The following RASSF2 variants were observed in gnomAD, a reference collection of about 807,000 sequenced individuals.
The protein encoded by RASSF2 is Ras association domain family member 2, also known as ras association domain-containing protein 2.
RASSF2 carries 34 observed loss-of-function variants against 46.3 expected under a neutral mutation model. The ratio of observed to expected loss-of-function variants is 0.73; its 90% CI spans 0.56 to 0.98. RASSF2 has a LOEUF of 0.98. Among genes scored for constraint, RASSF2 ranks in the 50% least tolerant of loss-of-function variants. The pLI is 0.00. For synonymous variants in RASSF2, 158 were observed against 162.5 expected (o/e 0.97, Z 0.21); for missense variants, 364 against 431.2 (o/e 0.84, Z 1.38).
At chr20:4,806,548 G>C (rs924265838) in intron 2 of RASSF2, among the ~76,000 whole-genome samples, 5 of 152,138 alleles carry the variant, frequency 3.3e-5, no homozygotes, top group Non-Finnish European at 7.3e-5. Context: ...GGCCTCAAGC[G>C]ATCCTCCCGC....
chr20:4,789,812 C>G (rs192743436), intron 7 of RASSF2, 115 bp from the exon 8 acceptor site: 1 of 826,874 alleles, frequency 1.2e-6, no homozygotes, highest in African/African-American at 1.7e-5. Context: ...TCCCTGGGAG[C>G]CCCCGGCAGA....
intron 2 of RASSF2, among the ~76,000 whole-genome samples, chr20:4,801,613 T>A (rs1488186963): frequency 1.3e-5 from 2 of 152,162 alleles, no homozygotes; most frequent in Non-Finnish European, 1.5e-5. Context: ...TTGTTTAAAA[T>A]CTATGTAAGT....
chr20:4,798,217 C>T (rs980764168), intron 3 of RASSF2, 132 bp from the exon 4 acceptor site: 61 of 1,355,400 alleles, frequency 4.5e-5, no homozygotes, highest in Non-Finnish European at 5.8e-5. Flanking sequence ...CATGTACATA[C>T]ACACACATGC....
At position 4,780,559 on chromosome 20, in the gene RASSF2, G is replaced by C. The variant is rs1266450823; in HGVS notation, c.*3714C>G. On this transcript the variant is annotated 3_prime_UTR_variant, in exon 12 of 12. Transcript: ENST00000379400. ...TGCAAAACGATTTAAGTGGAAACGT[G>C]AAAATGTGTGCTGCTATATCAGGGA... 6.6e-6 allele frequency: 1 copy of C among 152,244 alleles called. No homozygotes were observed. The highest frequency in any genetic ancestry group is 1.5e-5 in the Non-Finnish European group (1 of 68,048). The allele number at this position is 152,244 out of a possible 1,614,324, so 9.4% of individuals were successfully genotyped here.
In RASSF2 at chr20:4,784,528, G is replaced by A. The variant is rs917080099; in HGVS notation, c.912-186C>T. ...TTGCTTATGTTCATTCCTACAACAC[G>A]ATGAGAGGAAATAAAGAGGCCAAAT... On this transcript the variant is annotated intron_variant, in intron 11 of 11. Transcript: ENST00000379400. 3.8e-5 allele frequency among the ~76,000 whole-genome samples: 5 copies of A among 130,040 alleles called. No homozygotes were observed. The East Asian group carries it at 7.3e-4, about 19-fold the overall frequency. 85.3% of individuals were successfully genotyped at this position (130,040 alleles called of 152,430 possible). A position where few individuals can be genotyped will look rare whatever the true frequency, so the allele number is the denominator to read the frequency against.
chr20:4,790,628 A>C lies in RASSF2; in HGVS notation c.377-17T>G, dbSNP rs765350743. 11 of 1,513,050 alleles carry C rather than the reference A, an allele frequency of 7.3e-6. No individual in the cohort carries two copies. Among genetic ancestry groups the C allele is most frequent in the Non-Finnish European group, 9.6e-6 (11 of 1,142,744 alleles). The allele number at this position is 1,513,050 out of a possible 1,614,324, so 93.7% of individuals were successfully genotyped here. ...CCCTGGAGTCTGAGAGAGGAGAGGG[A>C]AATGAACTCTGTCTGTCTGGACCTG... On this transcript the variant is annotated splice_polypyrimidine_tract_variant and intron_variant, in intron 6 of 11. Transcript: ENST00000379400. This position sits in a 1 kb window ranked among gnomAD's most constrained non-coding sequence, Gnocchi z 4.3.
rs867349491 is a variant in RASSF2, at chr20:4,795,596, T to C, written c.287+219A>G. On this transcript the variant is annotated intron_variant, in intron 5 of 11. Coordinates refer to ENST00000379400, the MANE Select transcript of RASSF2 (RefSeq NM_014737.3). This position sits in a 1 kb window ranked among gnomAD's most constrained non-coding sequence, Gnocchi z 4.0. Reference sequence around the variant, plus strand: ...GTATGACTCAGCAGCTCCCCTCCTGTGACCTCATCAGTGATTGCAGTGACA... The same window carrying C: ...GTATGACTCAGCAGCTCCCCTCCTGCGACCTCATCAGTGATTGCAGTGACA... The C allele has an allele frequency of 2.1e-6, 1 of 482,880 alleles. No individual in the cohort carries two copies. The highest frequency in any genetic ancestry group is 2.0e-5 in the African/African-American group (1 of 49,422). The allele number at this position is 482,880 out of a possible 1,614,324, so 29.9% of individuals were successfully genotyped here. A position where few individuals can be genotyped will look rare whatever the true frequency, so the allele number is the denominator to read the frequency against.
Position 4,812,572 on chromosome 20 carries a change from G to A in RASSF2, c.-33+9757C>T, listed in dbSNP as rs1490524899. 5.9e-5 allele frequency among the ~76,000 whole-genome samples: 9 copies of A among 152,186 alleles called. No individual in the cohort carries two copies. In the South Asian group the frequency reaches 8.3e-4, roughly 14 times the overall value. On this transcript the variant is annotated intron_variant, in intron 2 of 11. Coordinates refer to ENST00000379400, the MANE Select transcript of RASSF2 (RefSeq NM_014737.3). This position sits in a 1 kb window ranked among gnomAD's most constrained non-coding sequence, Gnocchi z 4.0. The stretch of plus-strand genomic sequence containing the variant: ...TGTATTGGAATCTCTCCGAGGGCTC[G>A]TTAAAATACAGATTGCAGGTCCCTT...
intron 2 of RASSF2, among the ~76,000 whole-genome samples, chr20:4,819,963 C>T (rs142904002): frequency 5.3e-5 from 8 of 152,324 alleles, no homozygotes; most frequent in Admixed American, 1.3e-4. Flanking sequence ...AAGCTGTCAC[C>T]GCAAACAGCA....
Position 4,802,867 on chromosome 20 carries a change from C to T in RASSF2, c.-32-1805G>A, listed in dbSNP as rs149035130. Among the ~76,000 whole-genome samples, 4 of 145,704 alleles carry T rather than the reference C, an allele frequency of 2.7e-5. No individual in the cohort carries two copies. In the Admixed American group the frequency reaches 2.8e-4, roughly 10 times the overall value. ...TATTTTACCACTATATACATATACA[C>T]GTGTATGTGTGTGTGTATATATATA... On this transcript the variant is annotated intron_variant, in intron 2 of 11. Coordinates refer to ENST00000379400, the MANE Select transcript of RASSF2 (RefSeq NM_014737.3).
chr20:4,815,439 T>C (rs1378748594), intron 2 of RASSF2, among the ~76,000 whole-genome samples: 2 of 152,104 alleles, frequency 1.3e-5, no homozygotes, highest in Non-Finnish European at 2.9e-5. Flanking sequence ...CTCCACCAGT[T>C]AAAGTCCCCC....
In RASSF2 at chr20:4,812,191, AT is replaced by A. The variant is rs1927877730; in HGVS notation, c.-33+10137del. ...CAAGCCTGTCCTGGGCATGGGCAAA[AT>A]GTGGGCTGCCTCGGAAGGAAATGGC... is the stretch of plus-strand genomic sequence containing the variant. On this transcript the variant is annotated intron_variant, in intron 2 of 11. Coordinates refer to ENST00000379400, the MANE Select transcript of RASSF2 (RefSeq NM_014737.3). The surrounding 1 kb of genome is among the most constrained non-coding windows in gnomAD (Gnocchi z 4.0). Among the ~76,000 whole-genome samples the A allele has an allele frequency of 6.6e-6, 1 of 152,148 alleles. No homozygotes were observed. The highest frequency in any genetic ancestry group is 6.5e-5 in the Admixed American group (1 of 15,276).
At chr20:4,813,728 T>G (rs1252972776) in intron 2 of RASSF2, among the ~76,000 whole-genome samples, 1 of 152,076 alleles carries the variant, frequency 6.6e-6, no homozygotes, top group Admixed American at 6.5e-5. Context: ...AGCAGCTGTG[T>G]GTGCGTGGGT....
chr20:4,784,061 T>A lies in RASSF2; in HGVS notation c.*212A>T. On this transcript the variant is annotated 3_prime_UTR_variant, in exon 12 of 12. Transcript: ENST00000379400. Reference sequence around the variant, plus strand: ...TCCTCCTTATAACTAAAATCAAAAGTCCTTGTGAGCAGAAAAAAGGAGGGC... The same window carrying A: ...TCCTCCTTATAACTAAAATCAAAAGACCTTGTGAGCAGAAAAAAGGAGGGC... The A allele has an allele frequency of 1.7e-6, 1 of 591,520 alleles. No individual in the cohort carries two copies. 36.6% of individuals were successfully genotyped at this position (591,520 alleles called of 1,614,324 possible).
chr20:4,818,303 T>C (rs934325615), intron 2 of RASSF2, among the ~76,000 whole-genome samples: 1 of 151,860 alleles, frequency 6.6e-6, no homozygotes, highest in African/African-American at 2.4e-5. Flanking sequence ...AATCACTAAA[T>C]GCACCCCAGA....
intron 2 of RASSF2, among the ~76,000 whole-genome samples, chr20:4,810,094 G>C (rs1927655824): frequency 1.3e-5 from 2 of 152,342 alleles, no homozygotes; most frequent in African/African-American, 4.8e-5. Flanking sequence ...TACTGGGTCT[G>C]TCACTGTCCC....
chr20:4,804,238 TTTA>T (rs1927146818), intron 2 of RASSF2, among the ~76,000 whole-genome samples: 1 of 151,976 alleles, frequency 6.6e-6, no homozygotes, highest in Non-Finnish European at 1.5e-5. Flanking sequence ...AATTTTAAAT[TTTA>T]TTATTTTTTT....
intron 2 of RASSF2, among the ~76,000 whole-genome samples, chr20:4,814,928 C>T (rs1422797123): frequency 3.3e-5 from 5 of 152,232 alleles, no homozygotes; most frequent in Non-Finnish European, 5.9e-5. Flanking sequence ...AACTGCTCCT[C>T]CACGTGGCCC....
In RASSF2 at chr20:4,782,307, C is replaced by A. The variant is rs1336545247; in HGVS notation, c.*1966G>T. 6.5e-6 allele frequency: 1 copy of A among 152,798 alleles called. No homozygotes were observed. Among genetic ancestry groups the A allele is most frequent in the Middle Eastern group, 3.4e-3 (1 of 294 alleles). The allele number at this position is 152,798 out of a possible 1,614,324, so 9.5% of individuals were successfully genotyped here. A position where few individuals can be genotyped will look rare whatever the true frequency, so the allele number is the denominator to read the frequency against. ...AGAATTACTGGGGCCAACTAAGGCC[C>A]TGAACATTCAAAATAAAAATTACCA... On this transcript the variant is annotated 3_prime_UTR_variant, in exon 12 of 12. Transcript: ENST00000379400.
Sources: allele counts gnomAD v4.1 joint callset (sites outside exome capture counted in the v4.1 genomes callset), GRCh38; gene constraint gnomAD v4.1.1; non-coding constraint Gnocchi (gnomAD v3.1); transcripts MANE v1.5; gene names NCBI Gene and HGNC (gene_info 2026-07-23, HGNC 2026-07-21).